Variants in NEMP2 observed in about 807,000 individuals in gnomAD.
The protein encoded by NEMP2 is UPF0571 transmembrane protein.
A neutral mutation model predicts 54.2 loss-of-function variants in NEMP2; 53 were observed. The ratio of observed to expected loss-of-function variants is 0.98; its 90% CI spans 0.78 to 1.23. NEMP2 has a LOEUF of 1.23. NEMP2 is among the 50% of genes most tolerant of loss of function. The pLI is 0.00. For missense variants in NEMP2, 455 were observed against 511.3 expected, an observed-to-expected ratio of 0.89 and a Z score of 1.06; for synonymous variants, 197 against 190.3, an observed-to-expected ratio of 1.04 and a Z score of -0.29.
chr2:190,453,219 T>C, the NEMP2 span, among the ~76,000 whole-genome samples: 1 of 151,906 alleles, frequency 6.6e-6, no homozygotes, highest in Non-Finnish European at 1.5e-5. Flanking sequence ...AGGAGTTATA[T>C]TACAGATTAG....
chr2:190,496,085 A>G, the NEMP2 span, among the ~76,000 whole-genome samples: 1 of 152,104 alleles, frequency 6.6e-6, no homozygotes, highest in Non-Finnish European at 1.5e-5. This position sits in a 1 kb window ranked among gnomAD's most constrained non-coding sequence, Gnocchi z 4.7. Flanking sequence ...TCTTCAGTCT[A>G]TATATCCGAC....
the NEMP2 span, among the ~76,000 whole-genome samples, chr2:190,569,834 A>G: frequency 6.7e-6 from 1 of 148,390 alleles, no homozygotes; most frequent in Admixed American, 6.7e-5. Flanking sequence ...AGTGCAATAA[A>G]TAATTTACTC....
the NEMP2 span, among the ~76,000 whole-genome samples, chr2:190,474,359 C>T: frequency 1.2e-4 from 18 of 151,914 alleles, no homozygotes; most frequent in Admixed American, 3.3e-4. Context: ...ATCAAATAGA[C>T]GCAATAAAAA....
At chr2:190,644,165 T>C in the NEMP2 span, among the ~76,000 whole-genome samples, 2 of 151,928 alleles carry the variant, frequency 1.3e-5, no homozygotes, top group East Asian at 1.9e-4. The surrounding 1 kb of genome is among the most constrained non-coding windows in gnomAD (Gnocchi z 4.4). Context: ...TGTTTCCTCA[T>C]TGTAAAAAAA....
the NEMP2 span, among the ~76,000 whole-genome samples, chr2:190,467,816 T>TTCA: frequency 6.6e-6 from 1 of 152,212 alleles, no homozygotes; most frequent in East Asian, 1.9e-4. The surrounding 1 kb of genome is among the most constrained non-coding windows in gnomAD (Gnocchi z 5.5). Context: ...CATTTCAGTG[T>TTCA]TCATAATTCA....
the NEMP2 span, among the ~76,000 whole-genome samples, chr2:190,487,209 CG>C: frequency 6.6e-6 from 1 of 151,670 alleles, no homozygotes; most frequent in Admixed American, 6.6e-5. This position sits in a 1 kb window ranked among gnomAD's most constrained non-coding sequence, Gnocchi z 5.5. Flanking sequence ...GGGGTGGTGG[CG>C]GGCACTTGTA....
the NEMP2 span, among the ~76,000 whole-genome samples, chr2:190,438,515 A>T: frequency 6.6e-6 from 1 of 152,128 alleles, no homozygotes; most frequent in Non-Finnish European, 1.5e-5. The surrounding 1 kb of genome is among the most constrained non-coding windows in gnomAD (Gnocchi z 5.2). Context: ...GACTCCATCT[A>T]AAAAAAGAGA....
At chr2:190,477,262 G>T in the NEMP2 span, 1 of 983,794 alleles carries the variant, frequency 1.0e-6, no homozygotes, top group Non-Finnish European at 1.2e-6. Context: ...CAATAACAAG[G>T]TAATATGCAA....
rs112532150 is a variant in NEMP2, at chr2:190,518,058, T to C, written c.519-445A>G. Among the ~76,000 whole-genome samples, 1,043 of 152,270 alleles carry C rather than the reference T, an allele frequency of 6.8e-3. 6 individuals carry two copies. Among genetic ancestry groups the C allele is most frequent in the Non-Finnish European group, 0.011 (743 of 68,034 alleles). On this transcript the variant is annotated intron_variant, in intron 4 of 8. Coordinates refer to ENST00000409150, the MANE Select transcript of NEMP2 (RefSeq NM_001142645.2). ...TCATCTGGTTTCTAAAGTTCATGGA[T>C]GACATTAAACACACTTGGTAATACT...
chr2:190,497,597 A>T, the NEMP2 span: 1 of 1,614,174 alleles, frequency 6.2e-7, no homozygotes, highest in Non-Finnish European at 8.5e-7. This position sits in a 1 kb window ranked among gnomAD's most constrained non-coding sequence, Gnocchi z 5.2. Flanking sequence ...GGAAGATGTG[A>T]ACAAACCAGC....
chr2:190,643,703 G>A, the NEMP2 span, among the ~76,000 whole-genome samples: 17 of 152,290 alleles, frequency 1.1e-4, no homozygotes, highest in South Asian at 4.1e-4. Context: ...TCCTTGGGAG[G>A]TGAGCTTCAG....
At chr2:190,427,053 A>G in the NEMP2 span, among the ~76,000 whole-genome samples, 2 of 152,180 alleles carry the variant, frequency 1.3e-5, no homozygotes, top group Non-Finnish European at 2.9e-5. Context: ...AGTGACACCC[A>G]TTGAGAGTGA....
the NEMP2 span, chr2:190,629,685 A>G: frequency 0.77 from 117,828 of 152,144 alleles, 46,607 homozygotes; most frequent in African/African-American, 0.93. Context: ...CCTAATTGAA[A>G]AGGACCAATG....
upstream of NEMP2, among the ~76,000 whole-genome samples, chr2:190,539,072 C>T (rs1415648086): frequency 6.6e-6 from 1 of 152,120 alleles, no homozygotes; most frequent in Non-Finnish European, 1.5e-5. This position sits in a 1 kb window ranked among gnomAD's most constrained non-coding sequence, Gnocchi z 4.1. Context: ...CTAGTAGTTT[C>T]ATAGTTTCAG....
chr2:190,489,889 A>C, the NEMP2 span: 6 of 1,602,680 alleles, frequency 3.7e-6, no homozygotes, highest in Non-Finnish European at 5.1e-6. This position sits in a 1 kb window ranked among gnomAD's most constrained non-coding sequence, Gnocchi z 6.6. Flanking sequence ...ATTCTTTCTT[A>C]ATATTCCTAA....
At chr2:190,446,583 T>C in the NEMP2 span, among the ~76,000 whole-genome samples, 1 of 152,222 alleles carries the variant, frequency 6.6e-6, no homozygotes, top group East Asian at 1.9e-4. Context: ...TTTTTAAAAT[T>C]TGGGGGATCA....
the NEMP2 span, among the ~76,000 whole-genome samples, chr2:190,456,971 G>A: frequency 6.6e-6 from 1 of 152,116 alleles, no homozygotes; most frequent in Non-Finnish European, 1.5e-5. The surrounding 1 kb of genome is among the most constrained non-coding windows in gnomAD (Gnocchi z 5.4). Flanking sequence ...AGTTTAAAAT[G>A]TCAACCGTCT....
chr2:190,483,446 A>AG, the NEMP2 span, among the ~76,000 whole-genome samples: 1 of 152,218 alleles, frequency 6.6e-6, no homozygotes, highest in Admixed American at 6.5e-5. Context: ...TGGAAAATGA[A>AG]GAAAAAATAG....
the NEMP2 span, among the ~76,000 whole-genome samples, chr2:190,630,544 A>G: frequency 6.6e-6 from 1 of 152,298 alleles, no homozygotes; most frequent in African/African-American, 2.4e-5. The surrounding 1 kb of genome is among the most constrained non-coding windows in gnomAD (Gnocchi z 5.5). Context: ...TGAAATGATT[A>G]GGCATCCACC....
Sources: gnomAD v4.1 joint callset for allele counts (sites outside exome capture counted in the v4.1 genomes callset) on GRCh38, gnomAD v4.1.1 for gene constraint, Gnocchi (gnomAD v3.1) non-coding constraint, MANE v1.5 for transcripts, NCBI Gene and HGNC (gene_info 2026-07-23, HGNC 2026-07-21) for gene names.